Variants in GLRB observed in about 807,000 individuals in gnomAD.
The protein encoded by GLRB is glycine receptor beta.
GLRB carries 33 observed loss-of-function variants against 54.2 expected under a neutral mutation model. That is an observed-to-expected ratio of 0.61 (90% CI 0.46 to 0.81). The LOEUF is 0.81. Ranked by LOEUF, GLRB falls within the 40% of genes least tolerant of loss-of-function variation. The pLI is 0.00. For missense variants in GLRB, 572 were observed against 584.6 expected (o/e 0.98, Z 0.22); for synonymous variants, 209 against 208.2 (o/e 1.00, Z -0.03).
At chr4:157,082,335 G>C (rs1230211830) in intron 2 of GLRB, among the ~76,000 whole-genome samples, 2 of 152,106 alleles carry the variant, frequency 1.3e-5, no homozygotes, top group African/African-American at 2.4e-5. Flanking sequence ...AATACAGTAT[G>C]ATAATTATCT....
intron 4 of GLRB, among the ~76,000 whole-genome samples, chr4:157,130,218 G>A (rs987201290): frequency 7.3e-5 from 11 of 151,506 alleles, no homozygotes; most frequent in Non-Finnish European, 1.5e-4. Flanking sequence ...CCACTGTATC[G>A]AAAATGTTTT....
intron 7 of GLRB, among the ~76,000 whole-genome samples, chr4:157,141,976 C>G (rs905848071): frequency 1.3e-5 from 2 of 151,984 alleles, no homozygotes; most frequent in Non-Finnish European, 2.9e-5. Context: ...ACAACTGAGA[C>G]TACCTAAAAA....
At chr4:157,140,413 C>A (rs1057173545) in intron 7 of GLRB, among the ~76,000 whole-genome samples, 4 of 151,838 alleles carry the variant, frequency 2.6e-5, no homozygotes, top group Admixed American at 2.6e-4. Flanking sequence ...AGCCTTGGGA[C>A]CAAGAGTAGT....
chr4:157,083,133 A>G (rs1293084936), intron 2 of GLRB, among the ~76,000 whole-genome samples: 3 of 152,030 alleles, frequency 2.0e-5, no homozygotes, highest in Admixed American at 2.0e-4. Context: ...TTTTAGAACT[A>G]TTTAAAGCAA....
At chr4:157,142,599 T>C (rs1719682303) in intron 7 of GLRB, among the ~76,000 whole-genome samples, 1 of 152,156 alleles carries the variant, frequency 6.6e-6, no homozygotes, top group Admixed American at 6.5e-5. Context: ...TGAATAAATA[T>C]GTAGATTATT....
chr4:157,130,177 C>T (rs1736161386), intron 4 of GLRB, among the ~76,000 whole-genome samples: 2 of 151,722 alleles, frequency 1.3e-5, no homozygotes, highest in South Asian at 4.1e-4. Context: ...CCATTCACTC[C>T]TTAATCCCCT....
intron 9 of GLRB, among the ~76,000 whole-genome samples, chr4:157,164,926 G>T (rs1737653809): frequency 6.6e-6 from 1 of 151,840 alleles, no homozygotes; most frequent in Non-Finnish European, 1.5e-5. Flanking sequence ...ACACATATAA[G>T]AACTTTTATA....
At chr4:157,145,624 T>C (rs1736777971) in intron 8 of GLRB, among the ~76,000 whole-genome samples, 1 of 152,136 alleles carries the variant, frequency 6.6e-6, no homozygotes, top group African/African-American at 2.4e-5. Context: ...GTTAATAAAA[T>C]GCATTAAAAC....
At chr4:157,159,647 A>G (rs775741675) in intron 9 of GLRB, among the ~76,000 whole-genome samples, 161 of 152,080 alleles carry the variant, frequency 1.1e-3, no homozygotes, top group Non-Finnish European at 1.6e-3. Context: ...ATTGATTTGC[A>G]TATGTTGAAC....
At position 157,171,455 on chromosome 4, in the gene GLRB, T is replaced by G. The variant is rs1256958563; in HGVS notation, c.*727T>G. The G allele has an allele frequency of 6.6e-6, 1 of 152,270 alleles. No homozygotes were observed. The highest frequency in any genetic ancestry group is 1.5e-5 in the Non-Finnish European group (1 of 67,778). 9.4% of individuals were successfully genotyped at this position (152,270 alleles called of 1,614,324 possible). Reference sequence around the variant, plus strand: ...ATATTTAGGATAAACAAAATTCTATTTAATCCACCTTAAAACCTAAATGTA... The same window carrying G: ...ATATTTAGGATAAACAAAATTCTATGTAATCCACCTTAAAACCTAAATGTA... On this transcript the variant is annotated 3_prime_UTR_variant, in exon 10 of 10. Coordinates refer to ENST00000264428, the MANE Select transcript of GLRB (RefSeq NM_000824.5).
chr4:157,124,962 A>G (rs757457609), intron 4 of GLRB, among the ~76,000 whole-genome samples: 2 of 151,884 alleles, frequency 1.3e-5, no homozygotes, highest in African/African-American at 2.4e-5. Context: ...CATATTTCAT[A>G]TATTTGCTCA....
chr4:157,153,279 C>A (rs1395850254), intron 9 of GLRB, among the ~76,000 whole-genome samples: 1 of 152,196 alleles, frequency 6.6e-6, no homozygotes. Flanking sequence ...AAGGATTCAA[C>A]TCTGCTTTGA....
intron 3 of GLRB, among the ~76,000 whole-genome samples, chr4:157,121,474 T>C (rs1579215855): frequency 1.3e-5 from 2 of 149,998 alleles, no homozygotes; most frequent in South Asian, 4.2e-4. Flanking sequence ...TTTTTTTGCC[T>C]TTAGAAAAAA....
Position 157,152,256 on chromosome 4 carries a change from A to T in GLRB, c.905-462A>T, listed in dbSNP as rs78712706. ...ATTAGTTTTTTTTATTATGAACCTTATCAAAACATTGCTTTATATGTTCTG... is the reference window on the plus strand; with the variant it reads ...ATTAGTTTTTTTTATTATGAACCTTTTCAAAACATTGCTTTATATGTTCTG... On this transcript the variant is annotated intron_variant, in intron 8 of 9. Transcript: ENST00000264428. Among the ~76,000 whole-genome samples the T allele has an allele frequency of 1.2e-3, 187 of 152,192 alleles. No homozygotes were observed. In the East Asian group the frequency reaches 0.03, roughly 24 times the overall value.
At chr4:157,082,921 G>A (rs1579180581) in intron 2 of GLRB, among the ~76,000 whole-genome samples, 1 of 146,474 alleles carries the variant, frequency 6.8e-6, no homozygotes, top group East Asian at 2.0e-4. Context: ...AGCACATTTG[G>A]GAAAAATATT....
intron 9 of GLRB, among the ~76,000 whole-genome samples, chr4:157,157,807 C>T (rs1357834376): frequency 6.6e-6 from 1 of 152,140 alleles, no homozygotes. Context: ...CATATGTGTG[C>T]ATGTGTCTTT....
At chr4:157,145,793 CAAG>C (rs1353654001) in intron 8 of GLRB, among the ~76,000 whole-genome samples, 2 of 151,826 alleles carry the variant, frequency 1.3e-5, no homozygotes, top group Non-Finnish European at 2.9e-5. Context: ...TGGATAGAGA[CAAG>C]AAGGAGGTGA....
chr4:157,157,056 A>T (rs566681941), intron 9 of GLRB, among the ~76,000 whole-genome samples: 3 of 152,124 alleles, frequency 2.0e-5, no homozygotes, highest in African/African-American at 7.2e-5. Context: ...ATTGGGGGTC[A>T]CCAGTTCCCC....
At chr4:157,153,162 T>A in intron 9 of GLRB, 152 bp downstream of exon 9, 2 of 758,136 alleles carry the variant, frequency 2.6e-6, no homozygotes, top group Non-Finnish European at 4.6e-6. Context: ...CAACACAATT[T>A]TTGGGAAACG....
Sources: gnomAD v4.1 joint callset for allele counts (sites outside exome capture counted in the v4.1 genomes callset) on GRCh38, gnomAD v4.1.1 for gene constraint, MANE v1.5 for transcripts, NCBI Gene and HGNC (gene_info 2026-07-23, HGNC 2026-07-21) for gene names.